NAV2: variants seen among roughly 807,000 people sequenced by gnomAD.
NAV2 encodes the protein neuron navigator 2.
NAV2 carries 54 observed loss-of-function variants against 223.2 expected under a neutral mutation model. The ratio of observed to expected loss-of-function variants is 0.24; its 90% CI spans 0.19 to 0.30. NAV2 has a LOEUF of 0.30. Ranked by LOEUF, NAV2 falls within the 10% of genes least tolerant of loss-of-function variation. The pLI, the probability that NAV2 is intolerant of heterozygous loss-of-function variation, is 1.00. For missense variants in NAV2, 2,806 were observed against 3,147.5 expected, an observed-to-expected ratio of 0.89 and a Z score of 2.60; for synonymous variants, 1,279 against 1,239.3, an observed-to-expected ratio of 1.03 and a Z score of -0.67.
chr11:20,003,195 C>T (rs189947449), intron 11 of NAV2, among the ~76,000 whole-genome samples: 80 of 152,320 alleles, frequency 5.3e-4, no homozygotes, highest in African/African-American at 1.7e-3. Context: ...AAGTACCTCC[C>T]TCCCCTCCCC....
chr11:19,573,911 C>G (rs2045497827), intron 1 of NAV2, among the ~76,000 whole-genome samples: 1 of 152,138 alleles, frequency 6.6e-6, no homozygotes, highest in South Asian at 2.1e-4. Context: ...GGGTGGCAGG[C>G]TAATTTACTG....
intron 1 of NAV2, among the ~76,000 whole-genome samples, chr11:19,652,673 C>T (rs1012420285): frequency 6.6e-6 from 1 of 152,168 alleles, no homozygotes; most frequent in African/African-American, 2.4e-5. Flanking sequence ...CCATGGCTGC[C>T]CTGAGTCTGC....
At chr11:19,777,299 G>T in intron 1 of NAV2, among the ~76,000 whole-genome samples, 1 of 151,608 alleles carries the variant, frequency 6.6e-6, no homozygotes, top group East Asian at 1.9e-4. Flanking sequence ...CCCCGGGGCG[G>T]GGGCGAGGCG....
chr11:19,710,893 T>C (rs1055442251), upstream of NAV2: 4 of 152,274 alleles, frequency 2.6e-5, no homozygotes, highest in Non-Finnish European at 5.9e-5. Flanking sequence ...CACAGCTTTA[T>C]GCTCCATACT....
chr11:19,985,968 C>T (rs2050762175), intron 11 of NAV2, among the ~76,000 whole-genome samples: 1 of 152,084 alleles, frequency 6.6e-6, no homozygotes, highest in Admixed American at 6.6e-5. Context: ...GTTGCTACAA[C>T]ACCCCCACTG....
chr11:19,486,285 C>T (rs1205804216), intron 1 of NAV2, among the ~76,000 whole-genome samples: 2 of 152,098 alleles, frequency 1.3e-5, no homozygotes, highest in Non-Finnish European at 2.9e-5. Context: ...GACCCTGTGC[C>T]TCTGAAGCCA....
chr11:20,090,808 T>C, intron 26 of NAV2, 57 bp from the exon 27 acceptor site: 1 of 1,560,826 alleles, frequency 6.4e-7, no homozygotes, highest in Non-Finnish European at 8.8e-7. Flanking sequence ...TGTGGACCAG[T>C]GTTCAGTAGG....
chr11:19,350,614 G>C (rs983749260), upstream of NAV2: 4 of 309,462 alleles, frequency 1.3e-5, no homozygotes, highest in Non-Finnish European at 2.5e-5. Flanking sequence ...GGGTTTCTGG[G>C]GCAGTAATGT....
intron 1 of NAV2, among the ~76,000 whole-genome samples, chr11:19,399,134 C>T (rs144575554): frequency 1.1e-4 from 16 of 152,276 alleles, no homozygotes; most frequent in East Asian, 3.9e-4. Context: ...CCCTGTTCCA[C>T]GGCACGAGAA....
chr11:19,734,548 G>A (rs2052103419), intron 1 of NAV2, among the ~76,000 whole-genome samples: 1 of 152,184 alleles, frequency 6.6e-6, no homozygotes. Flanking sequence ...AGCAGTTCAT[G>A]CTCAAGCATT....
At chr11:20,073,542 T>G (rs1459280632) in intron 22 of NAV2, among the ~76,000 whole-genome samples, 1 of 152,214 alleles carries the variant, frequency 6.6e-6, no homozygotes, top group East Asian at 1.9e-4. Context: ...CTGGTAAAAT[T>G]TGGATGTGAA....
intron 1 of NAV2, among the ~76,000 whole-genome samples, chr11:19,628,561 C>A (rs2135472641): frequency 6.6e-6 from 1 of 152,290 alleles, no homozygotes; most frequent in South Asian, 2.1e-4. Flanking sequence ...CTCACGTGGC[C>A]ATGCACTCAT....
At chr11:20,114,259 T>G in intron 36 of NAV2, 6 of 357,700 alleles carry the variant, frequency 1.7e-5, no homozygotes, top group East Asian at 5.9e-5. Context: ...AATCAGGTCA[T>G]TGTTTTTCCC....
intron 10 of NAV2, among the ~76,000 whole-genome samples, chr11:19,959,688 C>T (rs1159434878): frequency 6.6e-6 from 1 of 152,292 alleles, no homozygotes; most frequent in Admixed American, 6.5e-5. Context: ...ATGCTCTTCC[C>T]CGCATGACTC....
chr11:19,535,509 G>A (rs2044159332), intron 1 of NAV2, among the ~76,000 whole-genome samples: 1 of 152,138 alleles, frequency 6.6e-6, no homozygotes, highest in South Asian at 2.1e-4. Flanking sequence ...CTTGCCATTT[G>A]TACCGGGTGA....
intron 11 of NAV2, among the ~76,000 whole-genome samples, chr11:20,011,982 G>A (rs953085937): frequency 1.3e-5 from 2 of 152,204 alleles, no homozygotes; most frequent in African/African-American, 4.8e-5. Context: ...TCTGACATTT[G>A]TGTGTGCAGA....
At chr11:19,578,281 T>C (rs1158514437) in intron 1 of NAV2, among the ~76,000 whole-genome samples, 1 of 152,250 alleles carries the variant, frequency 6.6e-6, no homozygotes, top group African/African-American at 2.4e-5. Context: ...CTGTAATGGC[T>C]TTCCAGAAGG....
chr11:20,035,002 G>A (rs1201170743), intron 11 of NAV2, among the ~76,000 whole-genome samples: 1 of 152,138 alleles, frequency 6.6e-6, no homozygotes, highest in Non-Finnish European at 1.5e-5. Flanking sequence ...AGCTCAGAGG[G>A]TCTTGAGGGG....
chr11:19,985,162 C>T (rs950555614), intron 11 of NAV2, among the ~76,000 whole-genome samples: 2 of 152,204 alleles, frequency 1.3e-5, no homozygotes, highest in African/African-American at 4.8e-5. Context: ...CAGCTTCCTG[C>T]TGTTCCCAGG....
Sources: allele counts gnomAD v4.1 joint callset (sites outside exome capture counted in the v4.1 genomes callset), GRCh38; gene constraint gnomAD v4.1.1; transcripts MANE v1.5; gene names NCBI Gene and HGNC (gene_info 2026-07-23, HGNC 2026-07-21).